The following COL19A1 variants were observed in gnomAD, a reference collection of about 807,000 sequenced individuals.
COL19A1 encodes the protein collagen alpha-1(XIX) chain.
Under a neutral mutation model 190.2 loss-of-function variants are expected in COL19A1, and 159 were observed. That is an observed-to-expected ratio of 0.84 (90% CI 0.73 to 0.95). COL19A1 has a LOEUF of 0.95. Among genes scored for constraint, COL19A1 ranks in the 40% least tolerant of loss-of-function variants. COL19A1 has a pLI of 0.00. For missense variants in COL19A1, 1,418 were observed against 1,431.9 expected (o/e 0.99, Z 0.16); for synonymous variants, 509 against 458.9 (o/e 1.11, Z -1.39).
chr6:69,979,723 G>A (rs961164447), intron 11 of COL19A1, among the ~76,000 whole-genome samples: 2 of 151,310 alleles, frequency 1.3e-5, no homozygotes, highest in Admixed American at 6.6e-5. Context: ...AGAGACTTTG[G>A]GAGAAAATTT....
At chr6:70,204,463 AATT>A (rs1767743247) in intron 49 of COL19A1, among the ~76,000 whole-genome samples, 1 of 152,224 alleles carries the variant, frequency 6.6e-6, no homozygotes. Flanking sequence ...AATAACAGGT[AATT>A]ATTAACCTAA....
chr6:70,191,642 C>G (rs555269560), intron 48 of COL19A1, among the ~76,000 whole-genome samples: 2 of 152,272 alleles, frequency 1.3e-5, no homozygotes, highest in South Asian at 4.2e-4. Context: ...CCCTACATTT[C>G]TTTGTCTATT....
At chr6:70,049,634 G>A (rs969762313) in intron 14 of COL19A1, among the ~76,000 whole-genome samples, 2 of 151,952 alleles carry the variant, frequency 1.3e-5, no homozygotes, top group African/African-American at 2.4e-5. Context: ...TCCAAATTAT[G>A]CATTTTAAAC....
At chr6:69,942,013 G>A (rs1175130383) in intron 9 of COL19A1, among the ~76,000 whole-genome samples, 1 of 152,118 alleles carries the variant, frequency 6.6e-6, no homozygotes, top group East Asian at 1.9e-4. Flanking sequence ...TTTCAAATAT[G>A]TTCCTTGCAT....
intron 8 of COL19A1, 94 bp from the exon 9 acceptor site, chr6:69,937,944 T>A (rs1773213194): frequency 8.3e-7 from 1 of 1,205,308 alleles, no homozygotes; most frequent in African/African-American, 1.5e-5. Context: ...AACAAAGCGT[T>A]ATCTTGCTAG....
At chr6:69,994,071 C>A (rs2150076739) in intron 11 of COL19A1, among the ~76,000 whole-genome samples, 1 of 151,946 alleles carries the variant, frequency 6.6e-6, no homozygotes, top group South Asian at 2.1e-4. Context: ...ATTTTTCTAG[C>A]TTTATTATGT....
intron 4 of COL19A1, among the ~76,000 whole-genome samples, chr6:69,924,276 C>T (rs537423028): frequency 5.3e-4 from 81 of 151,920 alleles, no homozygotes; most frequent in African/African-American, 1.8e-3. Context: ...TGACAGGCCC[C>T]GGTGTGTGAT....
At chr6:70,162,741 T>C (rs1185545042) in intron 35 of COL19A1, among the ~76,000 whole-genome samples, 1 of 152,218 alleles carries the variant, frequency 6.6e-6, no homozygotes, top group Non-Finnish European at 1.5e-5. Flanking sequence ...TATATTTTAA[T>C]GTTCTGAAAT....
At chr6:69,999,421 C>T (rs1438334852) in intron 11 of COL19A1, among the ~76,000 whole-genome samples, 1 of 152,048 alleles carries the variant, frequency 6.6e-6, no homozygotes, top group Non-Finnish European at 1.5e-5. Flanking sequence ...GTGGTCCCAA[C>T]TACTTGGAAG....
chr6:69,959,964 A>G (rs1423367177), intron 9 of COL19A1, 32 bp from the exon 10 acceptor site: 3 of 1,600,004 alleles, frequency 1.9e-6, no homozygotes, highest in Non-Finnish European at 2.6e-6. Context: ...ATCTTTATGG[A>G]TCATAAACAT....
At chr6:70,151,190 A>C (rs980090757) in intron 30 of COL19A1, among the ~76,000 whole-genome samples, 1 of 152,212 alleles carries the variant, frequency 6.6e-6, no homozygotes, top group Non-Finnish European at 1.5e-5. Flanking sequence ...AAGAATAGTG[A>C]ACATTTTTCA....
chr6:69,982,127 AAG>A (rs1338900558), intron 11 of COL19A1, among the ~76,000 whole-genome samples: 3 of 152,164 alleles, frequency 2.0e-5, no homozygotes, highest in Non-Finnish European at 2.9e-5. Context: ...GAAAGAAAAA[AAG>A]AGGGGGAGTT....
chr6:70,102,313 A>G (rs994390313), intron 16 of COL19A1, 91 bp downstream of exon 16: 14 of 954,754 alleles, frequency 1.5e-5, no homozygotes, highest in Non-Finnish European at 2.4e-5. Flanking sequence ...CCTGTAGATA[A>G]TGATTTCCTT....
intron 9 of COL19A1, among the ~76,000 whole-genome samples, chr6:69,949,171 T>C (rs1322991617): frequency 3.3e-5 from 5 of 151,910 alleles, no homozygotes; most frequent in Admixed American, 2.6e-4. Context: ...TGGTGCTAAA[T>C]ATGGTAACAG....
chr6:70,043,782 T>A (rs761862077), intron 14 of COL19A1, among the ~76,000 whole-genome samples: 1 of 152,158 alleles, frequency 6.6e-6, no homozygotes, highest in Admixed American at 6.5e-5. Flanking sequence ...ACAGGCAGGG[T>A]AAATGTAGCA....
chr6:69,996,918 G>C (rs1008271481), intron 11 of COL19A1, among the ~76,000 whole-genome samples: 4 of 134,600 alleles, frequency 3.0e-5, no homozygotes, highest in Non-Finnish European at 6.1e-5. Context: ...AAAAAGACTT[G>C]TGTGTGTGTG....
intron 1 of COL19A1, among the ~76,000 whole-genome samples, chr6:69,873,034 G>C (rs113613029): frequency 6.6e-6 from 1 of 152,170 alleles, no homozygotes; most frequent in African/African-American, 2.4e-5. Context: ...TTCTATGAGC[G>C]TTAGTGTTTT....
intron 9 of COL19A1, among the ~76,000 whole-genome samples, chr6:69,958,951 G>A (rs1774599383): frequency 1.3e-5 from 2 of 152,126 alleles, no homozygotes; most frequent in Admixed American, 1.3e-4. Flanking sequence ...TTTAAAAACT[G>A]TTATCTTATA....
intron 12 of COL19A1, among the ~76,000 whole-genome samples, chr6:70,033,448 T>G (rs1258827227): frequency 6.6e-6 from 1 of 152,142 alleles, no homozygotes; most frequent in Non-Finnish European, 1.5e-5. Context: ...AAAGAAGTTT[T>G]TTTTTTCTAT....
Sources: allele counts gnomAD v4.1 joint callset (sites outside exome capture counted in the v4.1 genomes callset), GRCh38; gene constraint gnomAD v4.1.1; transcripts MANE v1.5; gene names NCBI Gene and HGNC (gene_info 2026-07-23, HGNC 2026-07-21).